Variants in SPATA6L observed in about 807,000 individuals in gnomAD.
SPATA6L encodes spermatogenesis associated 6-like protein.
Under a neutral mutation model 49.2 loss-of-function variants are expected in SPATA6L, and 68 were observed. That is an observed-to-expected ratio of 1.38 (90% CI 1.14 to 1.69). SPATA6L has a LOEUF of 1.69. Ranked by LOEUF, SPATA6L falls within the 40% of genes most tolerant of loss-of-function variation. The pLI, the probability that SPATA6L is intolerant of heterozygous loss-of-function variation, is 0.00. For missense variants in SPATA6L, 668 were observed against 464.3 expected (o/e 1.44, Z -4.03); for synonymous variants, 198 against 165.7 (o/e 1.19, Z -1.50).
intron 7 of SPATA6L, among the ~76,000 whole-genome samples, chr9:4,622,048 A>G (rs1450865664): frequency 4.6e-5 from 7 of 152,146 alleles, no homozygotes; most frequent in African/African-American, 7.2e-5. Flanking sequence ...GTTTTTTGCC[A>G]TCCAGAAAAA....
chr9:4,643,555 C>T (rs189204418), intron 3 of SPATA6L, among the ~76,000 whole-genome samples: 43 of 152,112 alleles, frequency 2.8e-4, no homozygotes, highest in Admixed American at 1.3e-3. Flanking sequence ...GATAACACCA[C>T]CACTATGGAA....
At chr9:4,645,386 TAC>T (rs1489387276) in intron 3 of SPATA6L, among the ~76,000 whole-genome samples, 1 of 152,188 alleles carries the variant, frequency 6.6e-6, no homozygotes, top group Non-Finnish European at 1.5e-5. Flanking sequence ...ATTTATTTCT[TAC>T]AGTTATGGAG....
At position 4,661,966 on chromosome 9, in the gene SPATA6L, T is replaced by C. The variant is rs893279433; in HGVS notation, c.110A>G (p.Tyr37Cys). The change falls in exon 2 of 12, where the codon TAC becomes TGC. Residue 37 changes from tyrosine to cysteine, a missense_variant. Transcript: ENST00000682582. ...AGAGGGAAAGCTGTTGGTCTCCAGG[T>C]ACTGATTCATGAGGTAGACCCCGAG... ...VYLGVYLMNQYLETNSFPSAF... is the reference protein window; with the variant it reads ...VYLGVYLMNQCLETNSFPSAF... The C allele has an allele frequency of 5.0e-6, 8 of 1,613,966 alleles. No individual in the cohort carries two copies. In the African/African-American group the frequency reaches 5.3e-5, roughly 11 times the overall value.
At chr9:4,656,489 GAA>G (rs1838249684) in intron 2 of SPATA6L, among the ~76,000 whole-genome samples, 1 of 141,038 alleles carries the variant, frequency 7.1e-6, no homozygotes, top group African/African-American at 2.9e-5. Context: ...AGGAAGGAAG[GAA>G]GGAAGGAAGG....
At chr9:4,613,456 A>G (rs757873715) in intron 9 of SPATA6L, among the ~76,000 whole-genome samples, 18 of 151,658 alleles carry the variant, frequency 1.2e-4, no homozygotes, top group Non-Finnish European at 2.1e-4. Flanking sequence ...CCAGGGAGAT[A>G]AGACCAACAG....
chr9:4,656,966 GAA>G lies in SPATA6L; in HGVS notation c.178-879_178-878del, dbSNP rs1838412131. On this transcript the variant is annotated intron_variant, in intron 2 of 11. Coordinates refer to ENST00000682582, the MANE Select transcript of SPATA6L (RefSeq NM_001353486.2). ...GCTACACTCCCATAGAATAAGGAAAGAAAGAGAGAAGAGTCTCAAAAGTTTTA... is the reference window on the plus strand; with the variant it reads ...GCTACACTCCCATAGAATAAGGAAAGAGAGAGAAGAGTCTCAAAAGTTTTA... Among the ~76,000 whole-genome samples the G allele has an allele frequency of 3.0e-5, 4 of 132,296 alleles. No individual in the cohort carries two copies. The South Asian group carries it at 6.7e-4, about 22-fold the overall frequency. The allele number at this position is 132,296 out of a possible 152,430, so 86.8% of individuals were successfully genotyped here. A position where few individuals can be genotyped will look rare whatever the true frequency, so the allele number is the denominator to read the frequency against.
chr9:4,654,080 A>T (rs970409802), intron 3 of SPATA6L, among the ~76,000 whole-genome samples: 3 of 152,256 alleles, frequency 2.0e-5, no homozygotes, highest in Non-Finnish European at 4.4e-5. Flanking sequence ...AGGGAAATGC[A>T]AATCAAAACA....
chr9:4,628,063 C>G (rs1009339460), intron 5 of SPATA6L: 1 of 335,984 alleles, frequency 3.0e-6, no homozygotes, highest in Non-Finnish European at 5.7e-6. Context: ...CAATTGAACT[C>G]ATGGAGACAG....
intron 3 of SPATA6L, among the ~76,000 whole-genome samples, chr9:4,640,385 ATTAAC>A: frequency 6.6e-6 from 1 of 152,342 alleles, no homozygotes; most frequent in South Asian, 2.1e-4. Flanking sequence ...TACTTGTACC[ATTAAC>A]TTAATGATCA....
At chr9:4,644,474 C>T (rs2130660932) in intron 3 of SPATA6L, among the ~76,000 whole-genome samples, 1 of 152,002 alleles carries the variant, frequency 6.6e-6, no homozygotes, top group South Asian at 2.1e-4. Context: ...ATGTGTTCTT[C>T]TATCTACAGA....
intron 13 of SPATA6L, chr9:4,589,032 A>C (rs1192957677): frequency 6.6e-6 from 1 of 152,170 alleles, no homozygotes; most frequent in African/African-American, 2.4e-5. Context: ...AACAGGATTG[A>C]TATTCTGTAT....
intron 9 of SPATA6L, among the ~76,000 whole-genome samples, chr9:4,613,214 C>A (rs552911080): frequency 1.3e-5 from 2 of 148,296 alleles, no homozygotes; most frequent in Admixed American, 1.3e-4. Flanking sequence ...GGTAACATAG[C>A]AAGATTCTAT....
At chr9:4,649,169 G>A (rs12237319) in intron 3 of SPATA6L, among the ~76,000 whole-genome samples, 4 of 152,086 alleles carry the variant, frequency 2.6e-5, no homozygotes, top group Non-Finnish European at 4.4e-5. Flanking sequence ...ATTGCAAATT[G>A]TGCTGCATAA....
At chr9:4,603,261 C>T (rs1372970932) in intron 11 of SPATA6L, among the ~76,000 whole-genome samples, 1 of 152,136 alleles carries the variant, frequency 6.6e-6, no homozygotes, top group East Asian at 1.9e-4. Flanking sequence ...GAAACCCCAT[C>T]TCTACTAAAA....
At chr9:4,596,263 A>G (rs301446), downstream of SPATA6L, among the ~76,000 whole-genome samples, 1,005 of 152,308 alleles carry the variant, frequency 6.6e-3, 11 homozygotes, top group African/African-American at 0.023. Flanking sequence ...AGTTTAACAA[A>G]TACAAGTTGA....
Position 4,662,337 on chromosome 9 carries a change from T to G in SPATA6L, c.40-301A>C. 1 of 1,463,864 alleles carries G rather than the reference T, an allele frequency of 6.8e-7. No individual in the cohort carries two copies. The highest frequency in any genetic ancestry group is 2.5e-5 in the East Asian group (1 of 39,418). The allele number at this position is 1,463,864 out of a possible 1,614,324, so 90.7% of individuals were successfully genotyped here. A position where few individuals can be genotyped will look rare whatever the true frequency, so the allele number is the denominator to read the frequency against. On this transcript the variant is annotated intron_variant, in intron 1 of 11. Coordinates refer to ENST00000682582, the MANE Select transcript of SPATA6L (RefSeq NM_001353486.2). This position sits in a 1 kb window ranked among gnomAD's most constrained non-coding sequence, Gnocchi z 4.9. The stretch of plus-strand genomic sequence containing the variant: ...GCTGCAGGGCCGGGAAGCCTCTGTT[T>G]GGTCCGGCCAGGTCCCGGGATCCGG...
chr9:4,648,471 G>A (rs919265737), intron 3 of SPATA6L, among the ~76,000 whole-genome samples: 16 of 152,116 alleles, frequency 1.1e-4, no homozygotes, highest in South Asian at 2.1e-4. Flanking sequence ...AGGCCGAGGC[G>A]GGCGGATCAC....
intron 3 of SPATA6L, among the ~76,000 whole-genome samples, chr9:4,653,872 G>C (rs1478434096): frequency 1.3e-5 from 2 of 152,214 alleles, no homozygotes; most frequent in Non-Finnish European, 2.9e-5. Context: ...AGAAAGTTGA[G>C]GCTTCAGTAA....
intron 3 of SPATA6L, among the ~76,000 whole-genome samples, chr9:4,647,801 C>T (rs1045161120): frequency 6.6e-6 from 1 of 150,422 alleles, no homozygotes; most frequent in African/African-American, 2.4e-5. Flanking sequence ...AAAGATAATT[C>T]TCACAAAATA....
Sources: allele counts gnomAD v4.1 joint callset (sites outside exome capture counted in the v4.1 genomes callset), GRCh38; gene constraint gnomAD v4.1.1; non-coding constraint Gnocchi (gnomAD v3.1); transcripts MANE v1.5; gene names NCBI Gene and HGNC (gene_info 2026-07-23, HGNC 2026-07-21).